Variants in REC114 observed in about 807,000 individuals in gnomAD.
REC114 encodes the protein REC114 meiotic recombination protein, also known as meiotic recombination protein REC114.
REC114 carries 27 observed loss-of-function variants against 31.3 expected under a neutral mutation model. The ratio of observed to expected loss-of-function variants is 0.86; its 90% CI spans 0.64 to 1.19. The LOEUF (loss-of-function observed/expected upper bound fraction) is 1.19, where lower values mean the gene tolerates loss of function less well. REC114 is among the 50% of genes most tolerant of loss of function. REC114 has a pLI of 0.00. For synonymous variants in REC114, 134 were observed against 127.7 expected, an observed-to-expected ratio of 1.05 and a Z score of -0.33; for missense variants, 344 against 326.9, an observed-to-expected ratio of 1.05 and a Z score of -0.40.
chr15:73,508,535 C>T (rs1893716212), intron 2 of REC114, among the ~76,000 whole-genome samples: 1 of 149,268 alleles, frequency 6.7e-6, no homozygotes, highest in Non-Finnish European at 1.5e-5. Context: ...TGCTGGTGAG[C>T]TGCACCCACT....
intron 1 of REC114, among the ~76,000 whole-genome samples, chr15:73,455,119 T>A (rs922814270): frequency 3.9e-5 from 6 of 152,152 alleles, no homozygotes; most frequent in Admixed American, 2.0e-4. Flanking sequence ...CTGTCATTTT[T>A]TTTTTGGAAA....
intron 2 of REC114, among the ~76,000 whole-genome samples, chr15:73,496,294 G>A (rs1299172030): frequency 6.9e-6 from 1 of 144,032 alleles, no homozygotes; most frequent in Admixed American, 7.1e-5. Flanking sequence ...AGAGGTTGCA[G>A]TGAGCTGAGA....
chr15:73,532,583 T>G (rs1053980554), intron 2 of REC114, among the ~76,000 whole-genome samples: 1 of 151,860 alleles, frequency 6.6e-6, no homozygotes, highest in African/African-American at 2.4e-5. Context: ...ATGGTTGAAC[T>G]AGTTTACAGT....
chr15:73,447,491 G>T (rs2151249702), intron 1 of REC114, among the ~76,000 whole-genome samples: 1 of 151,964 alleles, frequency 6.6e-6, no homozygotes, highest in Non-Finnish European at 1.5e-5. Context: ...ATCACTTGAG[G>T]TCAGAAGTTC....
At chr15:73,458,678 A>G (rs1892950108) in intron 1 of REC114, among the ~76,000 whole-genome samples, 1 of 152,234 alleles carries the variant, frequency 6.6e-6, no homozygotes, top group African/African-American at 2.4e-5. Context: ...TAGAATCAGT[A>G]TCCTAGACAG....
intron 4 of REC114, among the ~76,000 whole-genome samples, chr15:73,554,531 T>C (rs1894435798): frequency 6.6e-6 from 1 of 152,248 alleles, no homozygotes; most frequent in Admixed American, 6.5e-5. Context: ...TTCCTCAGCC[T>C]TGTAATTTTG....
intron 1 of REC114, among the ~76,000 whole-genome samples, chr15:73,469,866 A>G (rs760910459): frequency 1.6e-4 from 24 of 151,704 alleles, no homozygotes; most frequent in Non-Finnish European, 2.4e-4. Context: ...TTGTATTTTT[A>G]GTAGAGATGG....
intron 2 of REC114, among the ~76,000 whole-genome samples, chr15:73,503,701 TAG>T (rs888992935): frequency 6.6e-6 from 1 of 152,214 alleles, no homozygotes; most frequent in African/African-American, 2.4e-5. Flanking sequence ...TAATGAGTTT[TAG>T]CATCTTTTCT....
At chr15:73,501,899 G>A (rs555253676) in intron 2 of REC114, among the ~76,000 whole-genome samples, 185 of 152,176 alleles carry the variant, frequency 1.2e-3, no homozygotes, top group African/African-American at 4.5e-3. Context: ...GTGCAGTTCC[G>A]GAGTAGAGTT....
chr15:73,558,044 TACA>T (rs1192836930), intron 5 of REC114, among the ~76,000 whole-genome samples: 2 of 152,178 alleles, frequency 1.3e-5, no homozygotes, highest in Non-Finnish European at 2.9e-5. Context: ...ATGCAATTAA[TACA>T]AGGGATGTAG....
chr15:73,526,776 T>TGA (rs1894014604), intron 2 of REC114, among the ~76,000 whole-genome samples: 1 of 152,242 alleles, frequency 6.6e-6, no homozygotes, highest in African/African-American at 2.4e-5. Context: ...TAGTACTTTT[T>TGA]GATCAGATGT....
chr15:73,511,300 C>T (rs922919582), intron 2 of REC114, among the ~76,000 whole-genome samples: 4 of 151,878 alleles, frequency 2.6e-5, no homozygotes, highest in Non-Finnish European at 5.9e-5. Flanking sequence ...TTCCCTTTAT[C>T]ATTTTTTATT....
chr15:73,498,059 A>G (rs575436833), intron 2 of REC114, among the ~76,000 whole-genome samples: 1 of 152,320 alleles, frequency 6.6e-6, no homozygotes, highest in Non-Finnish European at 1.5e-5. Context: ...TTTTTCCTGA[A>G]CCTCAAGCTA....
At chr15:73,532,160 G>A (rs1204922142) in intron 2 of REC114, among the ~76,000 whole-genome samples, 1 of 147,974 alleles carries the variant, frequency 6.8e-6, no homozygotes. Context: ...ACAGTCCCCA[G>A]AGTGTGATAT....
rs1293861575 is a variant in REC114 at position 73,464,482 on chromosome 15, A to G, written c.160-9350A>G. 2.6e-5 allele frequency among the ~76,000 whole-genome samples: 4 copies of G among 151,886 alleles called. No individual in the cohort carries two copies. In the East Asian group the frequency reaches 5.8e-4, roughly 22 times the overall value. Reference sequence around the variant, plus strand: ...GCTTTAGCCCATTGGGTATGTAGCTATTTTCCTTTGTCTAACTTATGGGTC... The same window carrying G: ...GCTTTAGCCCATTGGGTATGTAGCTGTTTTCCTTTGTCTAACTTATGGGTC... On this transcript the variant is annotated intron_variant, in intron 1 of 5. Transcript: ENST00000331090.
chr15:73,559,762 C>T lies in REC114; in HGVS notation c.647C>T (p.Ala216Val), dbSNP rs1300829573. ...SLTQLAQTLL[A>V]SEELPHVYEQ... is the part of the protein sequence containing the mutation. ...CTGGTATCCCTGCAGACTCTTCTGG[C>T]ATCGGAGGAGCTGCCCCATGTCTAT... The change falls in exon 6 of 6, where the codon GCA (alanine) becomes GTA (valine). Residue 216 changes from alanine (A) to valine (V), a missense_variant. By Grantham distance (64) the Ala-to-Val change is moderately conservative. Transcript: ENST00000331090. 6.4e-7 allele frequency: 1 copy of T among 1,569,694 alleles called. No individual in the cohort carries two copies. Among genetic ancestry groups the T allele is most frequent in the Non-Finnish European group, 8.6e-7 (1 of 1,164,284 alleles).
chr15:73,492,412 A>G (rs1023605157), intron 2 of REC114, among the ~76,000 whole-genome samples: 1 of 152,148 alleles, frequency 6.6e-6, no homozygotes, highest in South Asian at 2.1e-4. Flanking sequence ...AGCAATCTCA[A>G]ATTTTTAGCT....
chr15:73,444,033 C>G (rs1455461620), intron 1 of REC114, among the ~76,000 whole-genome samples: 1 of 152,166 alleles, frequency 6.6e-6, no homozygotes, highest in Non-Finnish European at 1.5e-5. Context: ...ACAATTATGT[C>G]TAAAAGAACA....
chr15:73,484,368 G>A (rs1185970415), intron 2 of REC114, among the ~76,000 whole-genome samples: 2 of 152,002 alleles, frequency 1.3e-5, no homozygotes, highest in Non-Finnish European at 2.9e-5. Context: ...CTTCTTTGTT[G>A]CCTGCTCAAT....
Sources: allele counts gnomAD v4.1 joint callset (sites outside exome capture counted in the v4.1 genomes callset), GRCh38; gene constraint gnomAD v4.1.1; transcripts MANE v1.5; gene names NCBI Gene and HGNC (gene_info 2026-07-23, HGNC 2026-07-21).